The following ADAMTSL1 variants were observed in gnomAD, a reference collection of about 807,000 sequenced individuals.
The protein encoded by ADAMTSL1 is ADAMTS like 1.
Under a neutral mutation model 201.8 loss-of-function variants are expected in ADAMTSL1, and 126 were observed. The ratio of observed to expected loss-of-function variants is 0.62; its 90% CI spans 0.54 to 0.72. The LOEUF is 0.72. Ranked by LOEUF, ADAMTSL1 falls within the 30% of genes least tolerant of loss-of-function variation. The pLI is 0.00. For synonymous variants in ADAMTSL1, 1,121 were observed against 903.4 expected, an observed-to-expected ratio of 1.24 and a Z score of -4.32; for missense variants, 2,679 against 2,277.8, an observed-to-expected ratio of 1.18 and a Z score of -3.59.
intron 4 of ADAMTSL1, among the ~76,000 whole-genome samples, chr9:18,587,667 T>C (rs1257325853): frequency 6.6e-6 from 1 of 152,152 alleles, no homozygotes; most frequent in African/African-American, 2.4e-5. Flanking sequence ...CTCTGGTAAA[T>C]ACCATACTGC....
intron 2 of ADAMTSL1, among the ~76,000 whole-genome samples, chr9:18,248,709 G>C (rs529192973): frequency 6.6e-6 from 1 of 152,126 alleles, no homozygotes; most frequent in South Asian, 2.1e-4. Flanking sequence ...CGTCCATTGC[G>C]GGGGGCCATA....
intron 28 of ADAMTSL1, 160 bp from the exon 29 acceptor site, chr9:18,908,282 G>A: frequency 1.5e-6 from 1 of 658,744 alleles, no homozygotes; most frequent in Non-Finnish European, 2.7e-6. Flanking sequence ...AAGTGGCTGA[G>A]CTCTGTCAAA....
chr9:18,885,735 C>T (rs1828807965), intron 23 of ADAMTSL1, among the ~76,000 whole-genome samples: 1 of 151,920 alleles, frequency 6.6e-6, no homozygotes, highest in South Asian at 2.1e-4. Flanking sequence ...ACTACTACCT[C>T]AGGAAAAACA....
chr9:18,865,174 A>G (rs1448957531), intron 23 of ADAMTSL1, among the ~76,000 whole-genome samples: 4 of 152,072 alleles, frequency 2.6e-5, no homozygotes, highest in African/African-American at 4.8e-5. Context: ...ATATCTCCTA[A>G]TGCTATCCCT....
chr9:18,144,995 T>C (rs1826570787), intron 1 of ADAMTSL1, among the ~76,000 whole-genome samples: 1 of 152,142 alleles, frequency 6.6e-6, no homozygotes, highest in Non-Finnish European at 1.5e-5. Context: ...AATAGAAGTG[T>C]CCAAACAGAG....
chr9:18,820,193 T>G (rs778930187), intron 21 of ADAMTSL1, among the ~76,000 whole-genome samples: 1 of 152,258 alleles, frequency 6.6e-6, no homozygotes, highest in Non-Finnish European at 1.5e-5. Context: ...TTCATGTTAT[T>G]CATTTAGCAG....
At chr9:18,824,646 C>T (rs1243398665) in intron 21 of ADAMTSL1, among the ~76,000 whole-genome samples, 7 of 151,588 alleles carry the variant, frequency 4.6e-5, no homozygotes, top group Non-Finnish European at 8.8e-5. Context: ...AGGTCTGGCT[C>T]CTTGGCCATT....
chr9:18,367,365 A>C (rs1418435278), intron 2 of ADAMTSL1, among the ~76,000 whole-genome samples: 2 of 141,634 alleles, frequency 1.4e-5, no homozygotes, highest in African/African-American at 5.2e-5. Context: ...TTTAGATAAC[A>C]GAAGATAAGA....
intron 2 of ADAMTSL1, among the ~76,000 whole-genome samples, chr9:18,203,202 T>TATTTCA (rs1829519676): frequency 6.6e-6 from 1 of 152,064 alleles, no homozygotes; most frequent in Non-Finnish European, 1.5e-5. Context: ...TCTAGCACCA[T>TATTTCA]ATTTCATCCA....
At chr9:18,138,738 C>T (rs536236605) in intron 1 of ADAMTSL1, among the ~76,000 whole-genome samples, 6 of 152,212 alleles carry the variant, frequency 3.9e-5, no homozygotes, top group African/African-American at 1.2e-4. Flanking sequence ...ATGCTTTCTG[C>T]AGCATCCTCA....
At chr9:18,650,114 C>T (rs924351724) in intron 7 of ADAMTSL1, among the ~76,000 whole-genome samples, 4 of 152,220 alleles carry the variant, frequency 2.6e-5, no homozygotes, top group Non-Finnish European at 4.4e-5. Context: ...CATCCCCAAG[C>T]CTCGCTGCCG....
chr9:18,829,767 C>T, intron 22 of ADAMTSL1, 76 bp from the exon 23 acceptor site: 3 of 1,561,628 alleles, frequency 1.9e-6, no homozygotes, highest in South Asian at 1.2e-5. Context: ...CACACACATG[C>T]ATACCCACCT....
intron 2 of ADAMTSL1, among the ~76,000 whole-genome samples, chr9:18,516,121 C>G (rs963114758): frequency 2.7e-5 from 4 of 148,328 alleles, no homozygotes; most frequent in African/African-American, 7.3e-5. Flanking sequence ...AGAAAGATTT[C>G]CTAATGCTAC....
At chr9:18,524,493 G>A (rs1371974849) in intron 2 of ADAMTSL1, among the ~76,000 whole-genome samples, 1 of 152,164 alleles carries the variant, frequency 6.6e-6, no homozygotes, top group Admixed American at 6.5e-5. Flanking sequence ...TAGGAGTGGT[G>A]AGAGAGGGCA....
chr9:18,334,454 A>G (rs1317198145), intron 2 of ADAMTSL1, among the ~76,000 whole-genome samples: 2 of 152,176 alleles, frequency 1.3e-5, no homozygotes, highest in African/African-American at 4.8e-5. Flanking sequence ...AATTATGCCT[A>G]TCCTGTCTTG....
chr9:18,824,690 C>CTTTTTTTTT lies in ADAMTSL1; in HGVS notation c.3935-1577_3935-1569dup, dbSNP rs34551511. Among the ~76,000 whole-genome samples, 40 of 75,738 alleles carry CTTTTTTTTT rather than the reference C, an allele frequency of 5.3e-4. 1 individual carries two copies. Among genetic ancestry groups the CTTTTTTTTT allele is most frequent in the South Asian group, 2.1e-3 (3 of 1,420 alleles). 49.7% of individuals were successfully genotyped at this position (75,738 alleles called of 152,430 possible). A position where few individuals can be genotyped will look rare whatever the true frequency, so the allele number is the denominator to read the frequency against. On this transcript the variant is annotated intron_variant, in intron 21 of 28. Coordinates refer to ENST00000380548, the MANE Select transcript of ADAMTSL1 (RefSeq NM_001040272.6). ...TGACCCCATTTCCCGGGACTTGACC[C>CTTTTTTTTT]TTTTTTTTTTTTTTTTTTTTTTTTT...
intron 1 of ADAMTSL1, among the ~76,000 whole-genome samples, chr9:17,908,335 G>A (rs1365158136): frequency 1.3e-5 from 2 of 152,160 alleles, no homozygotes; most frequent in African/African-American, 4.8e-5. Context: ...CACCCCAGCT[G>A]GATTACATCA....
At chr9:18,462,066 AGTTCAAGCCTTTATT>A (rs945181259) in intron 2 of ADAMTSL1, among the ~76,000 whole-genome samples, 1 of 152,210 alleles carries the variant, frequency 6.6e-6, no homozygotes, top group Admixed American at 6.5e-5. Flanking sequence ...GGATCTGTAC[AGTTCAAGCCTTTATT>A]GTTCAAGGGT....
intron 2 of ADAMTSL1, among the ~76,000 whole-genome samples, chr9:18,515,433 C>G (rs1445753979): frequency 6.6e-6 from 1 of 152,154 alleles, no homozygotes; most frequent in Non-Finnish European, 1.5e-5. Context: ...CTCCCAGTTT[C>G]AAACCGTCCT....
Sources: allele counts gnomAD v4.1 joint callset (sites outside exome capture counted in the v4.1 genomes callset), GRCh38; gene constraint gnomAD v4.1.1; transcripts MANE v1.5; gene names NCBI Gene and HGNC (gene_info 2026-07-23, HGNC 2026-07-21).